Variants in ODAD2 observed in about 807,000 individuals in gnomAD.
The protein encoded by ODAD2 is outer dynein arm-docking complex subunit 2.
In ODAD2, 89 loss-of-function variants were observed where a neutral mutation model predicts 106.8. The ratio of observed to expected loss-of-function variants is 0.83; its 90% CI spans 0.70 to 0.99. ODAD2 has a LOEUF of 0.99. ODAD2 is among the 50% of genes least tolerant of loss of function. The pLI, the probability that ODAD2 is intolerant of heterozygous loss-of-function variation, is 0.00. For missense variants in ODAD2, 1,168 were observed against 1,238.5 expected, an observed-to-expected ratio of 0.94 and a Z score of 0.85; for synonymous variants, 404 against 436.2, an observed-to-expected ratio of 0.93 and a Z score of 0.92.
intron 9 of ODAD2, among the ~76,000 whole-genome samples, chr10:27,967,742 T>C (rs1191867980): frequency 3.3e-5 from 5 of 151,466 alleles, no homozygotes; most frequent in Non-Finnish European, 4.4e-5. Flanking sequence ...AATAAAAAAA[T>C]TAGCTGAGTG....
intron 19 of ODAD2, among the ~76,000 whole-genome samples, chr10:27,845,105 A>G (rs1022706403): frequency 3.3e-5 from 5 of 149,902 alleles, no homozygotes; most frequent in East Asian, 3.9e-4. Context: ...TCCAAGACAC[A>G]TAATTGTCAG....
chr10:27,881,189 T>C (rs1841682336), intron 17 of ODAD2, among the ~76,000 whole-genome samples: 1 of 152,244 alleles, frequency 6.6e-6, no homozygotes, highest in Non-Finnish European at 1.5e-5. Context: ...TTATTATTTT[T>C]AGAAAGTATG....
chr10:27,884,885 CT>C (rs558633962), intron 17 of ODAD2, among the ~76,000 whole-genome samples: 241 of 152,230 alleles, frequency 1.6e-3, no homozygotes, highest in African/African-American at 5.5e-3. Flanking sequence ...CCAAGAAGAC[CT>C]TCTGCTTTTA....
chr10:27,927,640 C>T (rs891833909), intron 16 of ODAD2, among the ~76,000 whole-genome samples: 2 of 152,084 alleles, frequency 1.3e-5, no homozygotes, highest in African/African-American at 2.4e-5. Flanking sequence ...AAGTTTAGTC[C>T]TTATCTTACC....
intron 14 of ODAD2, among the ~76,000 whole-genome samples, chr10:27,939,303 CT>C (rs1160726587): frequency 6.6e-6 from 1 of 152,184 alleles, no homozygotes; most frequent in African/African-American, 2.4e-5. Flanking sequence ...GCATAAGTGT[CT>C]TCTAGAAACA....
chr10:27,964,897 T>G (rs1588624156), intron 9 of ODAD2, among the ~76,000 whole-genome samples: 4 of 152,324 alleles, frequency 2.6e-5, no homozygotes, highest in Admixed American at 2.0e-4. Context: ...GAAGAATTAA[T>G]AAATTAAAGC....
At chr10:27,868,383 T>G (rs1211800417) in intron 17 of ODAD2, among the ~76,000 whole-genome samples, 1 of 152,198 alleles carries the variant, frequency 6.6e-6, no homozygotes, top group Non-Finnish European at 1.5e-5. Context: ...TGCACACATA[T>G]GTTTATCGCA....
At chr10:27,829,221 A>G (rs576590686) in intron 19 of ODAD2, among the ~76,000 whole-genome samples, 3 of 152,318 alleles carry the variant, frequency 2.0e-5, no homozygotes, top group East Asian at 3.9e-4. Flanking sequence ...CAGGGCTGGA[A>G]AGAAGAGCAC....
At chr10:27,836,731 A>G (rs1392884785) in intron 19 of ODAD2, among the ~76,000 whole-genome samples, 1 of 152,216 alleles carries the variant, frequency 6.6e-6, no homozygotes, top group Non-Finnish European at 1.5e-5. Context: ...TACGAAAAAT[A>G]CACTTAAGCC....
At chr10:27,866,242 C>G (rs1284719550) in intron 17 of ODAD2, among the ~76,000 whole-genome samples, 1 of 152,060 alleles carries the variant, frequency 6.6e-6, no homozygotes, top group Non-Finnish European at 1.5e-5. Context: ...ATTTGCATGT[C>G]ATAGATGAAG....
At chr10:27,903,321 T>C (rs1344297709) in intron 17 of ODAD2, among the ~76,000 whole-genome samples, 1 of 152,184 alleles carries the variant, frequency 6.6e-6, no homozygotes, top group Non-Finnish European at 1.5e-5. Flanking sequence ...GAACTGTTTA[T>C]GACAAACCCA....
Position 27,943,795 on chromosome 10 carries a change from C to CAAAAAAAAAA in ODAD2, c.1743+417_1743+426dup, listed in dbSNP as rs56059926. Among the ~76,000 whole-genome samples, 17 of 58,642 alleles carry CAAAAAAAAAA rather than the reference C, an allele frequency of 2.9e-4. 1 individual carries two copies. The highest frequency in any genetic ancestry group is 5.9e-4 in the East Asian group (1 of 1,706). The allele number at this position is 58,642 out of a possible 152,430, so 38.5% of individuals were successfully genotyped here. A position where few individuals can be genotyped will look rare whatever the true frequency, so the allele number is the denominator to read the frequency against. On this transcript the variant is annotated intron_variant, in intron 12 of 19. Coordinates refer to ENST00000305242, the MANE Select transcript of ODAD2 (RefSeq NM_018076.5). ...GAGCCACAGAAGTGAGGCTCTGTCT[C>CAAAAAAAAAA]AAAAAAAAAAAAAAAAAAAAAAAAA... is the stretch of plus-strand genomic sequence containing the variant.
In ODAD2 at chr10:27,888,130, A is replaced by T. The variant is rs187209325; in HGVS notation, c.2610+19533T>A. Reference sequence around the variant, plus strand: ...ATAGTGCTGTGATAAACATACAAGTACATGTATCTTTTTGATATGGCAATT... The same window carrying T: ...ATAGTGCTGTGATAAACATACAAGTTCATGTATCTTTTTGATATGGCAATT... On this transcript the variant is annotated intron_variant, in intron 17 of 19. Transcript: ENST00000305242. Among the ~76,000 whole-genome samples the T allele has an allele frequency of 5.2e-4, 79 of 152,242 alleles. 1 individual carries two copies. The highest frequency in any genetic ancestry group is 1.0e-3 in the South Asian group (5 of 4,830).
At chr10:27,958,696 C>T in intron 10 of ODAD2, 1 of 380,796 alleles carries the variant, frequency 2.6e-6, no homozygotes, top group Non-Finnish European at 4.4e-6. Context: ...TTATTGCCAA[C>T]AGTTACTAAC....
intron 17 of ODAD2, among the ~76,000 whole-genome samples, chr10:27,890,722 T>C (rs1325820872): frequency 1.3e-5 from 2 of 151,994 alleles, no homozygotes; most frequent in Non-Finnish European, 2.9e-5. Flanking sequence ...GCCCTCACTT[T>C]TGTTTGGACC....
At chr10:27,902,318 G>A (rs74900046) in intron 17 of ODAD2, among the ~76,000 whole-genome samples, 2 of 151,994 alleles carry the variant, frequency 1.3e-5, no homozygotes, top group African/African-American at 4.8e-5. Flanking sequence ...TGTTTAGAGG[G>A]AAATTTATAG....
At chr10:27,917,735 A>G (rs1184882237) in intron 16 of ODAD2, among the ~76,000 whole-genome samples, 1 of 151,944 alleles carries the variant, frequency 6.6e-6, no homozygotes, top group East Asian at 1.9e-4. Flanking sequence ...TTTGTTTGAA[A>G]AACCAATTGA....
At chr10:27,981,883 T>A (rs1286500898) in intron 6 of ODAD2, 1 of 181,244 alleles carries the variant, frequency 5.5e-6, no homozygotes, top group Non-Finnish European at 1.1e-5. Context: ...AGAGCTTCCT[T>A]CTCTCCGCTC....
intron 17 of ODAD2, among the ~76,000 whole-genome samples, chr10:27,868,954 C>G (rs530960279): frequency 6.6e-6 from 1 of 151,660 alleles, no homozygotes; most frequent in Non-Finnish European, 1.5e-5. Flanking sequence ...GACATGCCTA[C>G]AAAACAGATG....
Sources: gnomAD v4.1 joint callset for allele counts (sites outside exome capture counted in the v4.1 genomes callset) on GRCh38, gnomAD v4.1.1 for gene constraint, MANE v1.5 for transcripts, NCBI Gene and HGNC (gene_info 2026-07-23, HGNC 2026-07-21) for gene names.